Variants in CSMD1 observed in about 807,000 individuals in gnomAD.
CSMD1 encodes CUB and Sushi multiple domains 1, also known as CUB and sushi domain-containing protein 1.
CSMD1 carries 213 observed loss-of-function variants against 417.5 expected under a neutral mutation model. That is an observed-to-expected ratio of 0.51 (90% CI 0.46 to 0.57). CSMD1 has a LOEUF of 0.57. Among genes scored for constraint, CSMD1 ranks in the 20% least tolerant of loss-of-function variants. The pLI is 0.00. For synonymous variants in CSMD1, 2,862 were observed against 1,736.8 expected (o/e 1.65, Z -16.11); for missense variants, 6,923 against 4,529.7 (o/e 1.53, Z -15.17).
At chr8:4,767,708 G>A (rs546150963) in intron 1 of CSMD1, among the ~76,000 whole-genome samples, 1 of 152,250 alleles carries the variant, frequency 6.6e-6, no homozygotes, top group Non-Finnish European at 1.5e-5. Context: ...TACCCAGGCT[G>A]GATGAAACAC....
intron 1 of CSMD1, among the ~76,000 whole-genome samples, chr8:4,890,603 A>T (rs1170878384): frequency 4.3e-5 from 6 of 138,850 alleles, no homozygotes; most frequent in Non-Finnish European, 9.2e-5. Flanking sequence ...CGTGACTCTG[A>T]CACCCTCCCC....
intron 3 of CSMD1, among the ~76,000 whole-genome samples, chr8:4,331,584 T>A (rs1351843790): frequency 2.0e-5 from 3 of 152,154 alleles, no homozygotes; most frequent in African/African-American, 4.8e-5. Flanking sequence ...CTGCAGACAA[T>A]GGGGCAACAT....
intron 3 of CSMD1, among the ~76,000 whole-genome samples, chr8:4,414,566 T>C (rs112006632): frequency 9.2e-5 from 14 of 152,334 alleles, no homozygotes; most frequent in African/African-American, 3.4e-4. Context: ...CTATAGATCA[T>C]ATAATCTCTT....
chr8:4,533,911 AT>A (rs1796963646), intron 2 of CSMD1, among the ~76,000 whole-genome samples: 1 of 149,028 alleles, frequency 6.7e-6, no homozygotes, highest in Non-Finnish European at 1.5e-5. Context: ...CTAGAATATA[AT>A]ATACATACAC....
At chr8:4,340,288 T>C (rs918794003) in intron 3 of CSMD1, among the ~76,000 whole-genome samples, 1 of 152,080 alleles carries the variant, frequency 6.6e-6, no homozygotes, top group Non-Finnish European at 1.5e-5. Context: ...AGACTAGTCA[T>C]CTGTGTTTGC....
chr8:4,016,598 A>T (rs1796535912), intron 4 of CSMD1, among the ~76,000 whole-genome samples: 1 of 152,196 alleles, frequency 6.6e-6, no homozygotes. Context: ...GCCTTTCCCC[A>T]GATGAGGAAA....
At chr8:4,222,337 G>C (rs149948649) in intron 3 of CSMD1, among the ~76,000 whole-genome samples, 15 of 151,350 alleles carry the variant, frequency 9.9e-5, no homozygotes, top group African/African-American at 3.6e-4. Context: ...GTAGGTATCA[G>C]TGTTTTGCCT....
intron 2 of CSMD1, among the ~76,000 whole-genome samples, chr8:4,442,215 G>A (rs1040543807): frequency 6.6e-6 from 1 of 152,044 alleles, no homozygotes; most frequent in African/African-American, 2.4e-5. Context: ...TAGCAGACAT[G>A]ATGTCATACA....
chr8:3,515,760 A>T (rs1797257328), intron 10 of CSMD1, among the ~76,000 whole-genome samples: 1 of 152,226 alleles, frequency 6.6e-6, no homozygotes, highest in African/African-American at 2.4e-5. Flanking sequence ...CATTGACTTC[A>T]TTTAACAACT....
chr8:2,994,533 T>C (rs1806704412), intron 54 of CSMD1, among the ~76,000 whole-genome samples: 1 of 152,198 alleles, frequency 6.6e-6, no homozygotes, highest in East Asian at 1.9e-4. Context: ...ACCACTGCCA[T>C]GTTTTACAGA....
Position 3,493,566 on chromosome 8 carries a change from C to A in CSMD1, c.1448+57G>T, listed in dbSNP as rs1285685006. 8 of 1,419,364 alleles carry A rather than the reference C, an allele frequency of 5.6e-6. No homozygotes were observed. The East Asian group carries it at 1.7e-4, about 31-fold the overall frequency. 87.9% of individuals were successfully genotyped at this position (1,419,364 alleles called of 1,614,324 possible). Reference sequence around the variant, plus strand: ...AGCCTGTAGCAGAATCTCATCTCCACCCACCGTGCCCCGCACTGCATGCAT... The same window carrying A: ...AGCCTGTAGCAGAATCTCATCTCCAACCACCGTGCCCCGCACTGCATGCAT... On this transcript the variant is annotated intron_variant, in intron 11 of 69. Transcript: ENST00000635120.
At position 4,348,124 on chromosome 8, in the gene CSMD1, G is replaced by A. The variant is rs183573889; in HGVS notation, c.415+71829C>T. Among the ~76,000 whole-genome samples, 216 of 152,296 alleles carry A rather than the reference G, an allele frequency of 1.4e-3. 2 individuals are homozygous for A. Among genetic ancestry groups the A allele is most frequent in the African/African-American group, 5.0e-3 (208 of 41,578 alleles). On this transcript the variant is annotated intron_variant, in intron 3 of 69. Transcript: ENST00000635120. The stretch of plus-strand genomic sequence containing the variant: ...ATGCTTGGCTAACTACCAGTTAGAA[G>A]TATTAAAGAGAGAAGACCTTTTCGG...
chr8:3,015,909 G>A (rs547889278), intron 52 of CSMD1, among the ~76,000 whole-genome samples: 2 of 152,300 alleles, frequency 1.3e-5, no homozygotes, highest in East Asian at 3.9e-4. Context: ...AAGGCACAAA[G>A]ACCCTTGCAC....
intron 6 of CSMD1, among the ~76,000 whole-genome samples, chr8:3,733,463 A>C (rs1004959572): frequency 6.6e-6 from 1 of 151,544 alleles, no homozygotes; most frequent in Admixed American, 6.6e-5. Context: ...TCACTTATTC[A>C]ATGTTTTGCT....
chr8:4,367,743 T>G (rs1236923157), intron 3 of CSMD1, among the ~76,000 whole-genome samples: 1 of 152,190 alleles, frequency 6.6e-6, no homozygotes, highest in African/African-American at 2.4e-5. Flanking sequence ...CTTTCAGCAG[T>G]GTTTTGTAAT....
At chr8:3,956,001 G>A (rs966138598) in intron 5 of CSMD1, among the ~76,000 whole-genome samples, 1 of 152,162 alleles carries the variant, frequency 6.6e-6, no homozygotes, top group African/African-American at 2.4e-5. Flanking sequence ...CACCATATTG[G>A]CCAGGATGGT....
chr8:3,412,571 C>T (rs73657848), intron 12 of CSMD1, among the ~76,000 whole-genome samples: 15,142 of 152,176 alleles, frequency 0.1, 947 homozygotes, highest in East Asian at 0.26. Flanking sequence ...ATATCACCAA[C>T]TTCTGTGAAG....
chr8:4,033,141 A>AC (rs1797438089), intron 3 of CSMD1, among the ~76,000 whole-genome samples: 1 of 150,256 alleles, frequency 6.7e-6, no homozygotes, highest in Non-Finnish European at 1.5e-5. Flanking sequence ...AAAAAAAAAA[A>AC]AAAAAAAAAA....
chr8:4,842,176 C>T (rs573857891), intron 1 of CSMD1, among the ~76,000 whole-genome samples: 6 of 152,244 alleles, frequency 3.9e-5, no homozygotes, highest in African/African-American at 1.4e-4. Flanking sequence ...AAGCCAGACA[C>T]ACATGAAAAG....
Sources: gnomAD v4.1 joint callset for allele counts (sites outside exome capture counted in the v4.1 genomes callset) on GRCh38, gnomAD v4.1.1 for gene constraint, MANE v1.5 for transcripts, NCBI Gene and HGNC (gene_info 2026-07-23, HGNC 2026-07-21) for gene names.